The following TOM1L1 variants were observed in gnomAD, a reference collection of about 807,000 sequenced individuals.
TOM1L1 encodes TOM1-like protein 1.
TOM1L1 carries 64 observed loss-of-function variants against 63.4 expected under a neutral mutation model. The ratio of observed to expected loss-of-function variants is 1.01; its 90% CI spans 0.83 to 1.24. The LOEUF (loss-of-function observed/expected upper bound fraction) is 1.24. Ranked by LOEUF, TOM1L1 falls within the 50% of genes most tolerant of loss-of-function variation. The probability of loss-of-function intolerance (pLI) is 0.00; values close to 1 mark genes in which losing one functional copy is unlikely to be tolerated. For synonymous variants in TOM1L1, 166 were observed against 194.4 expected, an observed-to-expected ratio of 0.85 and a Z score of 1.22; for missense variants, 536 against 567.0, an observed-to-expected ratio of 0.95 and a Z score of 0.55.
chr17:54,944,065 C>A (rs749318583), intron 11 of TOM1L1, among the ~76,000 whole-genome samples: 4 of 151,984 alleles, frequency 2.6e-5, no homozygotes, highest in African/African-American at 9.7e-5. Flanking sequence ...TAATAGTTAT[C>A]TTATATATTA....
Position 54,914,716 on chromosome 17 carries a change from C to T in TOM1L1, c.576C>T (p.Asn192=), listed in dbSNP as rs2048558400. 6.2e-7 allele frequency: 1 copy of T among 1,613,516 alleles called. No individual in the cohort carries two copies. Among genetic ancestry groups the T allele is most frequent in the Non-Finnish European group, 8.5e-7 (1 of 1,179,492 alleles). ...PALSSVIAPK[N]STVTLVPEQI... is the part of the protein sequence containing the mutation. ...TTTCTTCTGTAATTGCTCCAAAGAACTCGACTGTTACATTGGTCCCAGAAC... is the reference window on the plus strand; with the variant it reads ...TTTCTTCTGTAATTGCTCCAAAGAATTCGACTGTTACATTGGTCCCAGAAC... The change falls in exon 6 of 16, where the codon AAC becomes AAT. Residue 192 remains asparagine (N), a synonymous_variant. Coordinates refer to ENST00000575882, the MANE Select transcript of TOM1L1 (RefSeq NM_005486.3).
intron 3 of TOM1L1, among the ~76,000 whole-genome samples, chr17:54,910,040 A>G (rs2048472427): frequency 6.6e-6 from 1 of 152,230 alleles, no homozygotes; most frequent in East Asian, 1.9e-4. Flanking sequence ...CACAAAAGGC[A>G]TGACTGCTAA....
intron 14 of TOM1L1, among the ~76,000 whole-genome samples, chr17:54,959,886 GGATTATAGGTGT>G (rs2077069430): frequency 6.6e-6 from 1 of 151,872 alleles, no homozygotes; most frequent in African/African-American, 2.4e-5. Flanking sequence ...CAGAGTGCTG[GGATTATAGGTGT>G]GAGCCACTGC....
In TOM1L1 at chr17:54,939,026, T is replaced by C. The variant is rs1388006450; in HGVS notation, c.1130+6T>C. The C allele has an allele frequency of 5.1e-6, 8 of 1,554,538 alleles. No homozygotes were observed. In the South Asian group the frequency reaches 7.9e-5, roughly 15 times the overall value. ...GAGAATACAGAGATACCCCCGTAAGTATGTCAGTAACACTGCAGAACTAAT... is the reference window on the plus strand; with the variant it reads ...GAGAATACAGAGATACCCCCGTAAGCATGTCAGTAACACTGCAGAACTAAT... On this transcript the variant is annotated splice_donor_region_variant and intron_variant, in intron 11 of 15. Transcript: ENST00000575882.
intron 7 of TOM1L1, among the ~76,000 whole-genome samples, chr17:54,927,318 GT>G (rs914185303): frequency 2.6e-5 from 4 of 152,110 alleles, no homozygotes; most frequent in Non-Finnish European, 4.4e-5. Flanking sequence ...ATTTCTTCGT[GT>G]TTTGGCTCTT....
chr17:54,934,701 A>G (rs921131228), intron 8 of TOM1L1, among the ~76,000 whole-genome samples: 2 of 145,794 alleles, frequency 1.4e-5, no homozygotes, highest in African/African-American at 5.3e-5. Context: ...AGCTAGTGCT[A>G]TAACTAGATG....
chr17:54,915,862 G>A lies in TOM1L1; in HGVS notation c.720G>A (p.Gln240=), dbSNP rs1380945646. ...SENHEDIELL[Q]KLYKTGREMQ... ...ACCATGAAGACATAGAGCTTCTGCA[G>A]GTGTTGTACGATTTCAGGGACTATC... The change falls in exon 7 of 16, where the codon CAG becomes CAA. Residue 240 remains glutamine (Q), a splice_region_variant and synonymous_variant. Transcript: ENST00000575882. 1 of 1,609,034 alleles carries A rather than the reference G, an allele frequency of 6.2e-7. No homozygotes were observed. Among genetic ancestry groups the A allele is most frequent in the Non-Finnish European group, 8.5e-7 (1 of 1,175,728 alleles).
rs112807972 is a variant in TOM1L1 at position 54,909,683 on chromosome 17, G to C, written c.223-2983G>C. 6.5e-3 allele frequency among the ~76,000 whole-genome samples: 990 copies of C among 152,280 alleles called. 10 individuals carry two copies. Among genetic ancestry groups the C allele is most frequent in the African/African-American group, 0.023 (939 of 41,552 alleles). ...AGGGAGATATTATGTCCATTTTGCAGATAAGGACACTGAAGCTTAGGATAA... is the reference window on the plus strand; with the variant it reads ...AGGGAGATATTATGTCCATTTTGCACATAAGGACACTGAAGCTTAGGATAA... On this transcript the variant is annotated intron_variant, in intron 3 of 15. Transcript: ENST00000575882.
At chr17:54,911,250 C>A (rs995596177) in intron 3 of TOM1L1, among the ~76,000 whole-genome samples, 3 of 152,170 alleles carry the variant, frequency 2.0e-5, no homozygotes, top group Non-Finnish European at 4.4e-5. Flanking sequence ...TTATGTATTC[C>A]TGATTTTGTG....
chr17:54,928,545 T>G (rs2048805968), intron 7 of TOM1L1, among the ~76,000 whole-genome samples: 1 of 152,312 alleles, frequency 6.6e-6, no homozygotes, highest in Admixed American at 6.5e-5. Context: ...CACCTATATC[T>G]GTTTTATTAG....
At chr17:54,939,951 A>G (rs2049010281) in intron 11 of TOM1L1, among the ~76,000 whole-genome samples, 1 of 152,228 alleles carries the variant, frequency 6.6e-6, no homozygotes, top group African/African-American at 2.4e-5. Flanking sequence ...GTAAGTAGCA[A>G]GTCTGATGGA....
At chr17:54,949,913 T>C (rs1425094185) in intron 13 of TOM1L1, 132 bp from the exon 14 acceptor site, 4 of 725,658 alleles carry the variant, frequency 5.5e-6, no homozygotes, top group Admixed American at 2.9e-5. Context: ...GGGAGTAGCA[T>C]TGGGACACCA....
intron 8 of TOM1L1, among the ~76,000 whole-genome samples, chr17:54,935,360 T>C (rs2048928465): frequency 6.6e-6 from 1 of 152,098 alleles, no homozygotes; most frequent in Non-Finnish European, 1.5e-5. Flanking sequence ...AATTGGCCAT[T>C]TTCACTTCTT....
At chr17:54,905,598 G>T in intron 3 of TOM1L1, 31 bp downstream of exon 3, 1 of 1,343,914 alleles carries the variant, frequency 7.4e-7, no homozygotes, top group Non-Finnish European at 1.1e-6. Context: ...ATTAAGACTC[G>T]AGGATTTCTC....
intron 14 of TOM1L1, among the ~76,000 whole-genome samples, chr17:54,951,525 CGA>C (rs1046698716): frequency 2.6e-5 from 4 of 152,170 alleles, no homozygotes; most frequent in African/African-American, 9.7e-5. Context: ...TAGAGAAGGT[CGA>C]GAGATTCTGC....
intron 4 of TOM1L1, 119 bp from the exon 5 acceptor site, chr17:54,913,629 G>A (rs992993795): frequency 2.8e-6 from 3 of 1,088,034 alleles, no homozygotes; most frequent in Middle Eastern, 3.3e-4. Flanking sequence ...TTGTGCCATT[G>A]CACTCCAGCC....
intron 9 of TOM1L1, among the ~76,000 whole-genome samples, 178 bp downstream of exon 9, chr17:54,936,887 A>T (rs1475698945): frequency 1.3e-5 from 2 of 151,930 alleles, no homozygotes; most frequent in Non-Finnish European, 2.9e-5. Context: ...GTTAATGTTA[A>T]ACTGTTAATG....
intron 10 of TOM1L1, chr17:54,937,525 T>C: frequency 2.9e-6 from 1 of 347,290 alleles, no homozygotes; most frequent in Non-Finnish European, 5.4e-6. Flanking sequence ...TAAAGTCTAC[T>C]GTGAACCTAC....
chr17:54,913,432 G>A (rs1220571100), intron 4 of TOM1L1, among the ~76,000 whole-genome samples: 14 of 152,076 alleles, frequency 9.2e-5, no homozygotes, highest in East Asian at 1.9e-4. Context: ...TTGGGAGGCC[G>A]AGGTGGGCAG....
Sources: allele counts gnomAD v4.1 joint callset (sites outside exome capture counted in the v4.1 genomes callset), GRCh38; gene constraint gnomAD v4.1.1; transcripts MANE v1.5; gene names NCBI Gene and HGNC (gene_info 2026-07-23, HGNC 2026-07-21).